The following ALPK2 variants were observed in gnomAD, a reference collection of about 807,000 sequenced individuals.
The protein encoded by ALPK2 is alpha-protein kinase 2.
ALPK2 carries 127 observed loss-of-function variants against 163.1 expected under a neutral mutation model. That is an observed-to-expected ratio of 0.78 (90% CI 0.67 to 0.90). The LOEUF (loss-of-function observed/expected upper bound fraction) is 0.90. ALPK2 is among the 40% of genes least tolerant of loss of function. ALPK2 has a pLI of 0.00. For missense variants in ALPK2, 2,360 were observed against 2,589.6 expected, an observed-to-expected ratio of 0.91 and a Z score of 1.92; for synonymous variants, 953 against 959.1, an observed-to-expected ratio of 0.99 and a Z score of 0.12.
At chr18:58,546,653 G>A (rs192606299) in intron 4 of ALPK2, among the ~76,000 whole-genome samples, 2 of 152,250 alleles carry the variant, frequency 1.3e-5, no homozygotes, top group African/African-American at 2.4e-5. Flanking sequence ...CATTGCAAAC[G>A]AAGGGATATA....
chr18:58,523,182 C>T lies in ALPK2; in HGVS notation c.5665+624G>A, dbSNP rs575711690. The stretch of plus-strand genomic sequence containing the variant: ...TGCGGTGTTTGGTTTTTTGTCCTTG[C>T]GATAGTTTACTGAGAATGATGATTT... On this transcript the variant is annotated intron_variant, in intron 8 of 12. Transcript: ENST00000361673. 7.3e-3 allele frequency among the ~76,000 whole-genome samples: 1,084 copies of T among 149,322 alleles called. 3 individuals carry two copies. The highest frequency in any genetic ancestry group is 0.01 in the South Asian group (47 of 4,628).
rs765323247 is a variant in ALPK2, at chr18:58,580,563, A to C, written c.228-15T>G. The C allele has an allele frequency of 1.9e-6, 3 of 1,597,660 alleles. No individual in the cohort carries two copies. In the South Asian group the frequency reaches 3.3e-5, roughly 18 times the overall value. On this transcript the variant is annotated splice_polypyrimidine_tract_variant and intron_variant, in intron 3 of 12. Transcript: ENST00000361673. The stretch of plus-strand genomic sequence containing the variant: ...TTTTGGTACAGCTAGGATGAAGAGA[A>C]TATATAGATAAGTTTGCCACATTTG...
At chr18:58,541,262 C>G (rs565893514) in intron 4 of ALPK2, among the ~76,000 whole-genome samples, 2 of 152,202 alleles carry the variant, frequency 1.3e-5, no homozygotes, top group Non-Finnish European at 2.9e-5. Context: ...ACATCTTGCC[C>G]GACAGGAGCA....
At chr18:58,566,713 C>T (rs2051855164) in intron 4 of ALPK2, 1 of 152,182 alleles carries the variant, frequency 6.6e-6, no homozygotes, top group Admixed American at 6.5e-5. Flanking sequence ...AAATCAGGAT[C>T]TGTACTTATT....
chr18:58,514,273 C>T (rs1340272069), intron 10 of ALPK2, among the ~76,000 whole-genome samples: 1 of 152,230 alleles, frequency 6.6e-6, no homozygotes, highest in Non-Finnish European at 1.5e-5. Flanking sequence ...AGGTGCAATG[C>T]AGACAAGAAT....
chr18:58,592,387 G>T (rs2052018910), intron 3 of ALPK2, among the ~76,000 whole-genome samples: 1 of 152,220 alleles, frequency 6.6e-6, no homozygotes, highest in South Asian at 2.1e-4. Context: ...GGTCACAGGG[G>T]CCTGGGCCTT....
chr18:58,555,130 C>T (rs533136352), intron 4 of ALPK2, among the ~76,000 whole-genome samples: 3 of 152,322 alleles, frequency 2.0e-5, no homozygotes, highest in East Asian at 3.9e-4. Context: ...CAGGGTCTGC[C>T]TGGTACAATC....
chr18:58,500,333 A>T (rs1035741132), intron 11 of ALPK2, among the ~76,000 whole-genome samples: 1 of 152,068 alleles, frequency 6.6e-6, no homozygotes, highest in African/African-American at 2.4e-5. Flanking sequence ...TCTAAGCCGT[A>T]TGGAAGTCCA....
Position 58,583,500 on chromosome 18 carries a change from A to T in ALPK2, c.228-2952T>A, listed in dbSNP as rs999942948. 7.2e-5 allele frequency among the ~76,000 whole-genome samples: 11 copies of T among 152,146 alleles called. No homozygotes were observed. The East Asian group carries it at 1.9e-3, about 27-fold the overall frequency. On this transcript the variant is annotated intron_variant, in intron 3 of 12. Transcript: ENST00000361673. ...ATTAATTCTTGGAGATTTGGCCTCCATTAAGCACTGACAGCATAAAAAAGC... is the reference window on the plus strand; with the variant it reads ...ATTAATTCTTGGAGATTTGGCCTCCTTTAAGCACTGACAGCATAAAAAAGC...
chr18:58,492,054 T>C (rs1030808458), intron 12 of ALPK2, among the ~76,000 whole-genome samples: 4 of 152,182 alleles, frequency 2.6e-5, no homozygotes, highest in African/African-American at 9.7e-5. Context: ...CGAGGGGTGC[T>C]CACCACTCTG....
rs139016925 is a variant in ALPK2, at chr18:58,514,586, T to A, written c.6029+407A>T. Among the ~76,000 whole-genome samples, 1,049 of 152,314 alleles carry A rather than the reference T, an allele frequency of 6.9e-3. 25 individuals are homozygous for A. The highest frequency in any genetic ancestry group is 0.059 in the Admixed American group (909 of 15,288). On this transcript the variant is annotated intron_variant, in intron 10 of 12. Coordinates refer to ENST00000361673, the MANE Select transcript of ALPK2 (RefSeq NM_052947.4). ...TCCACTCTTCCCTATTACATTGCCA[T>A]ATTTTATTTTCATCATGGGACTAAT...
chr18:58,559,314 G>A (rs1050970425), intron 4 of ALPK2, among the ~76,000 whole-genome samples: 8 of 152,170 alleles, frequency 5.3e-5, no homozygotes, highest in Middle Eastern at 3.4e-3. Context: ...GCAGCTGCCC[G>A]GAACAAAGAA....
intron 1 of ALPK2, among the ~76,000 whole-genome samples, chr18:58,627,732 T>G (rs1280906564): frequency 6.6e-6 from 1 of 152,228 alleles, no homozygotes; most frequent in Non-Finnish European, 1.5e-5. Context: ...GATCTGAACA[T>G]GGTTATTGGC....
chr18:58,494,656 T>C (rs533299425), intron 12 of ALPK2, among the ~76,000 whole-genome samples: 2 of 152,162 alleles, frequency 1.3e-5, no homozygotes, highest in African/African-American at 4.8e-5. Flanking sequence ...AGCCCCCCCA[T>C]AGAACTTGCG....
intron 10 of ALPK2, among the ~76,000 whole-genome samples, chr18:58,505,386 A>G (rs1264628337): frequency 1.3e-5 from 2 of 152,006 alleles, no homozygotes; most frequent in Non-Finnish European, 2.9e-5. Flanking sequence ...GAGGACCTCT[A>G]AGTGCTGCCA....
At chr18:58,606,746 CCAGCTTCACCCTGAGCAGTTCT>C (rs11275753) in intron 3 of ALPK2, among the ~76,000 whole-genome samples, 21,036 of 152,166 alleles carry the variant, frequency 0.14, 1,574 homozygotes, top group Non-Finnish European at 0.16. Context: ...GACCCCCTAC[CCAGCTTCACCCTGAGCAGTTCT>C]CATTTTCTCT....
intron 4 of ALPK2, among the ~76,000 whole-genome samples, chr18:58,553,837 G>GT (rs1446395542): frequency 2.3e-5 from 3 of 131,106 alleles, no homozygotes; most frequent in African/African-American, 8.8e-5. Context: ...GAGCAGTTGG[G>GT]GTTTTTTTTT....
intron 12 of ALPK2, among the ~76,000 whole-genome samples, chr18:58,487,514 C>A (rs1356939111): frequency 1.3e-5 from 2 of 152,068 alleles, no homozygotes; most frequent in African/African-American, 4.8e-5. Flanking sequence ...TTATGGCAGC[C>A]CTAGGAATCT....
chr18:58,560,972 A>G (rs1355961544), intron 4 of ALPK2, among the ~76,000 whole-genome samples: 1 of 152,206 alleles, frequency 6.6e-6, no homozygotes, highest in Non-Finnish European at 1.5e-5. Context: ...CTTCAAGTGA[A>G]TTACTGTGAT....
Sources: allele counts gnomAD v4.1 joint callset (sites outside exome capture counted in the v4.1 genomes callset), GRCh38; gene constraint gnomAD v4.1.1; transcripts MANE v1.5; gene names NCBI Gene and HGNC (gene_info 2026-07-23, HGNC 2026-07-21).